Variants in SORL1 observed in about 807,000 individuals in gnomAD.
The protein encoded by SORL1 is sortilin related receptor 1.
SORL1 carries 127 observed loss-of-function variants against 273.7 expected under a neutral mutation model. The observed-to-expected ratio is 0.46, with a 90% CI of 0.40 to 0.54. The LOEUF (loss-of-function observed/expected upper bound fraction) is 0.54. Ranked by LOEUF, SORL1 falls within the 20% of genes least tolerant of loss-of-function variation. The probability of loss-of-function intolerance (pLI) is 0.00; values close to 1 mark genes in which losing one functional copy is unlikely to be tolerated. For synonymous variants in SORL1, 1,031 were observed against 1,067.4 expected, an observed-to-expected ratio of 0.97 and a Z score of 0.66; for missense variants, 2,494 against 2,846.1, an observed-to-expected ratio of 0.88 and a Z score of 2.81.
intron 38 of SORL1, 152 bp from the exon 39 acceptor site, chr11:121,610,924 T>C: frequency 1.7e-6 from 1 of 587,566 alleles, no homozygotes; most frequent in South Asian, 2.1e-5. Flanking sequence ...AAAACAGTGG[T>C]AAAAAAAGAT....
At chr11:121,491,704 C>T (rs1224047194) in intron 5 of SORL1, among the ~76,000 whole-genome samples, 1 of 152,184 alleles carries the variant, frequency 6.6e-6, no homozygotes, top group African/African-American at 2.4e-5. Context: ...ACTCAGGTAC[C>T]ACTTCTAGTG....
intron 6 of SORL1, among the ~76,000 whole-genome samples, chr11:121,504,319 G>A (rs1861756529): frequency 2.6e-5 from 4 of 152,228 alleles, no homozygotes; most frequent in Middle Eastern, 3.4e-3. Context: ...GACTGAGGCC[G>A]AAGAATCTCT....
chr11:121,608,417 G>C (rs1863511995), intron 38 of SORL1: 1 of 475,288 alleles, frequency 2.1e-6, no homozygotes, highest in South Asian at 3.3e-5. Flanking sequence ...ACATACAAAG[G>C]GATTTCCAAA....
At chr11:121,565,240 A>G (rs763794848) in intron 21 of SORL1, among the ~76,000 whole-genome samples, 4 of 152,002 alleles carry the variant, frequency 2.6e-5, no homozygotes, top group Non-Finnish European at 2.9e-5. Flanking sequence ...TTTTCTCTCT[A>G]TTTACTGAAT....
At chr11:121,534,936 T>C (rs1181001327) in intron 12 of SORL1, among the ~76,000 whole-genome samples, 2 of 152,250 alleles carry the variant, frequency 1.3e-5, no homozygotes, top group African/African-American at 4.8e-5. Context: ...TGACTCCTTA[T>C]GTTAGTTACC....
chr11:121,536,421 C>T (rs1862267309), intron 12 of SORL1, among the ~76,000 whole-genome samples: 1 of 149,440 alleles, frequency 6.7e-6, no homozygotes, highest in Non-Finnish European at 1.5e-5. Context: ...GTGTTCTTAT[C>T]ACTGTGTTTT....
At chr11:121,625,353 T>G in intron 46 of SORL1, 76 bp downstream of exon 46, 2 of 1,207,108 alleles carry the variant, frequency 1.7e-6, no homozygotes, top group East Asian at 4.8e-5. Context: ...TTCATGACCA[T>G]GTGTCTTTCT....
At chr11:121,590,369 T>C in intron 30 of SORL1, 195 bp downstream of exon 30, 1 of 574,250 alleles carries the variant, frequency 1.7e-6, no homozygotes, top group Admixed American at 3.2e-5. Flanking sequence ...TTTCAGGCTA[T>C]TTATTCCGTA....
chr11:121,516,332 A>G (rs986922142), intron 8 of SORL1, among the ~76,000 whole-genome samples: 3 of 152,118 alleles, frequency 2.0e-5, no homozygotes, highest in Non-Finnish European at 4.4e-5. Context: ...AGCCAATGGG[A>G]TTTGTTGATA....
At chr11:121,622,989 C>T (rs954382025) in intron 45 of SORL1, among the ~76,000 whole-genome samples, 5 of 152,178 alleles carry the variant, frequency 3.3e-5, no homozygotes, top group South Asian at 2.1e-4. Context: ...AAATAGTCAC[C>T]GTGCAATACC....
rs1296151525 is a variant in SORL1, at chr11:121,555,354, G to A, written c.2571+36G>A. ...TTTCGTGCTGTTCTTAATTAAGGGA[G>A]CAGGCGGGGCACCTGGGCTTTGAGC... On this transcript the variant is annotated intron_variant, in intron 18 of 47. Coordinates refer to ENST00000260197, the MANE Select transcript of SORL1 (RefSeq NM_003105.6). The A allele has an allele frequency of 3.1e-6, 5 of 1,608,318 alleles. No homozygotes were observed. In the South Asian group the frequency reaches 3.3e-5, roughly 11 times the overall value.
rs753034637 is a variant in SORL1, at chr11:121,595,169, G to A, written c.4370-454G>A. Among the ~76,000 whole-genome samples the A allele has an allele frequency of 1.3e-5, 2 of 152,174 alleles. No individual in the cohort carries two copies. Among genetic ancestry groups the A allele is most frequent in the African/African-American group, 2.4e-5 (1 of 41,434 alleles). The stretch of plus-strand genomic sequence containing the variant: ...GAGGGGATATAAGGAATGTAGCTGC[G>A]TCTTAAACATCATTCAGTCAGTTCC... On this transcript the variant is annotated intron_variant, in intron 31 of 47. Transcript: ENST00000260197. This position sits in a 1 kb window ranked among gnomAD's most constrained non-coding sequence, Gnocchi z 5.1.
intron 1 of SORL1, among the ~76,000 whole-genome samples, chr11:121,462,876 A>G (rs1861023501): frequency 1.3e-5 from 2 of 152,164 alleles, no homozygotes; most frequent in African/African-American, 4.8e-5. Flanking sequence ...TGAGTCTGCC[A>G]TTTTACTAAC....
At chr11:121,508,188 C>T (rs2134837911) in intron 6 of SORL1, among the ~76,000 whole-genome samples, 1 of 152,278 alleles carries the variant, frequency 6.6e-6, no homozygotes, top group Non-Finnish European at 1.5e-5. Context: ...CAACTCTGTC[C>T]TAGCCTTCAC....
intron 39 of SORL1, chr11:121,612,361 GGATT>G (rs1863578127): frequency 5.6e-6 from 1 of 179,576 alleles, no homozygotes; most frequent in Non-Finnish European, 1.2e-5. Context: ...TGTTTTGTAT[GGATT>G]GTCTTCTTGG....
chr11:121,576,702 AC>A (rs1351827594), intron 24 of SORL1: 4 of 1,408,858 alleles, frequency 2.8e-6, no homozygotes, highest in Non-Finnish European at 3.7e-6. Flanking sequence ...GTTGGTTCTT[AC>A]CAGGCCCCCA....
Position 121,605,174 on chromosome 11 carries a change from G to T in SORL1, c.4713G>T (p.Val1571=). ...LQWTADFSGD[V]TLTWMRPKKM... is the part of the protein sequence containing the mutation. Reference sequence around the variant, plus strand: ...GGACAGCTGACTTCTCTGGGGATGTGACTTTGACCTGGATGAGGCCCAAAA... The same window carrying T: ...GGACAGCTGACTTCTCTGGGGATGTTACTTTGACCTGGATGAGGCCCAAAA... The change falls in exon 34 of 48, where the codon GTG becomes GTT. Residue 1571 remains valine, a synonymous_variant. Coordinates refer to ENST00000260197, the MANE Select transcript of SORL1 (RefSeq NM_003105.6). 1.2e-6 allele frequency: 2 copies of T among 1,613,786 alleles called. No individual in the cohort carries two copies.
chr11:121,519,652 G>T (rs1862009442), intron 8 of SORL1, among the ~76,000 whole-genome samples: 1 of 152,196 alleles, frequency 6.6e-6, no homozygotes, highest in Non-Finnish European at 1.5e-5. Context: ...TCTGATCAGG[G>T]TGTTGGATAA....
rs774354233 is a variant in SORL1 at position 121,611,148 on chromosome 11, G to A, written c.5312G>A (p.Ser1771Asn). 1.2e-6 allele frequency: 2 copies of A among 1,608,432 alleles called. No homozygotes were observed. Among genetic ancestry groups the A allele is most frequent in the Admixed American group, 3.3e-5 (2 of 59,994 alleles). ...NYLSFTLTME[S>N]DIKVNGYVVN... The stretch of plus-strand genomic sequence containing the variant: ...CTAAGCTTCACCCTGACCATGGAGA[G>A]TGATATCAAGGTAATGTGGGAATTT... Residue 1771 changes from serine to asparagine, a missense_variant, in exon 39 of 48, where the codon AGT (serine) becomes AAT (asparagine). This residue lies in a region of SORL1 where 1,609 missense variants were observed against 1,816.4 expected (regional missense o/e 0.89). Transcript: ENST00000260197.
Sources: gnomAD v4.1 joint callset for allele counts (sites outside exome capture counted in the v4.1 genomes callset) on GRCh38, gnomAD v4.1.1 for gene constraint, gnomAD v4.1.1 regional missense constraint, Gnocchi (gnomAD v3.1) non-coding constraint, MANE v1.5 for transcripts, NCBI Gene and HGNC (gene_info 2026-07-23, HGNC 2026-07-21) for gene names.